CACNA1C: variants seen among roughly 807,000 people sequenced by gnomAD.
The protein encoded by CACNA1C is calcium voltage-gated channel subunit alpha1 C, also known as voltage-dependent L-type calcium channel subunit alpha-1C.
Under a neutral mutation model 229.0 loss-of-function variants are expected in CACNA1C, and 30 were observed. That is an observed-to-expected ratio of 0.13 (90% CI 0.10 to 0.18). CACNA1C has a LOEUF of 0.18. Among genes scored for constraint, CACNA1C ranks in the 10% least tolerant of loss-of-function variants. The pLI, the probability that CACNA1C is intolerant of heterozygous loss-of-function variation, is 1.00. For synonymous variants in CACNA1C, 1,114 were observed against 1,132.5 expected (o/e 0.98, Z 0.33); for missense variants, 1,658 against 2,845.0 (o/e 0.58, Z 9.49).
chr12:2,569,502 A>G (rs749593679), intron 13 of CACNA1C, among the ~76,000 whole-genome samples: 1 of 152,110 alleles, frequency 6.6e-6, no homozygotes, highest in Non-Finnish European at 1.5e-5. Flanking sequence ...TTATGTCTCT[A>G]TAGAGTTGCC....
rs943320546 is a variant in CACNA1C, at chr12:2,678,349, C to CA, written c.5091+482_5091+483insA. On this transcript the variant is annotated intron_variant, in intron 41 of 46. Coordinates refer to ENST00000399655, the MANE Select transcript of CACNA1C (RefSeq NM_000719.7). This position sits in a 1 kb window ranked among gnomAD's most constrained non-coding sequence, Gnocchi z 4.1. ...GGTGGCCCTTTGAGATGGAGCATAG[C>CA]GTGTGTTCTCCAGGTCTCCAAGACC... 3.1e-4 allele frequency among the ~76,000 whole-genome samples: 47 copies of CA among 152,106 alleles called. 1 individual carries two copies. Among genetic ancestry groups the CA allele is most frequent in the Non-Finnish European group, 1.2e-4 (8 of 68,022 alleles).
intron 3 of CACNA1C, among the ~76,000 whole-genome samples, chr12:2,235,600 A>T (rs181583437): frequency 3.8e-4 from 58 of 152,250 alleles, no homozygotes; most frequent in African/African-American, 1.4e-3. Flanking sequence ...CTCTACGTAG[A>T]CCATCTCTGG....
In CACNA1C at chr12:2,665,822, G is replaced by A; in HGVS notation, c.4526+114G>A. 9.5e-7 allele frequency: 1 copy of A among 1,049,864 alleles called. No individual in the cohort carries two copies. 65.0% of individuals were successfully genotyped at this position (1,049,864 alleles called of 1,614,324 possible). The stretch of plus-strand genomic sequence containing the variant: ...ACTGGGTGGATCAATTAGAAACACT[G>A]GATTGTATCACACCCTAGGGTGAAA... On this transcript the variant is annotated intron_variant, in intron 36 of 46. Transcript: ENST00000399655. This position sits in a 1 kb window ranked among gnomAD's most constrained non-coding sequence, Gnocchi z 5.9.
intron 13 of CACNA1C, among the ~76,000 whole-genome samples, chr12:2,569,448 A>T (rs1370036022): frequency 6.6e-6 from 1 of 152,158 alleles, no homozygotes; most frequent in Non-Finnish European, 1.5e-5. Flanking sequence ...CTCCATACCC[A>T]TTCCACATTT....
At chr12:2,112,043 T>C (rs983583391) in intron 1 of CACNA1C, among the ~76,000 whole-genome samples, 2 of 152,148 alleles carry the variant, frequency 1.3e-5, no homozygotes, top group Admixed American at 6.5e-5. Context: ...CGAGCACATG[T>C]GTGCGTGCAT....
intron 9 of CACNA1C, among the ~76,000 whole-genome samples, chr12:2,544,609 T>C (rs1459136421): frequency 6.6e-6 from 1 of 152,222 alleles, no homozygotes; most frequent in Non-Finnish European, 1.5e-5. Context: ...TCAACACATT[T>C]TTGCCAACAA....
intron 9 of CACNA1C, among the ~76,000 whole-genome samples, chr12:2,538,030 C>T (rs1305315533): frequency 6.6e-6 from 1 of 152,088 alleles, no homozygotes; most frequent in African/African-American, 2.4e-5. Flanking sequence ...TGATAGACTC[C>T]GTGGTGCCCT....
At chr12:2,193,543 C>T (rs2097307812) in intron 3 of CACNA1C, among the ~76,000 whole-genome samples, 1 of 152,238 alleles carries the variant, frequency 6.6e-6, no homozygotes, top group African/African-American at 2.4e-5. Flanking sequence ...ACCTTTCCTT[C>T]TGTTTAGAGG....
At chr12:2,264,437 T>C (rs1050419863) in intron 3 of CACNA1C, among the ~76,000 whole-genome samples, 3 of 152,210 alleles carry the variant, frequency 2.0e-5, no homozygotes, top group Non-Finnish European at 4.4e-5. Flanking sequence ...TTCAACTCCC[T>C]CCTCTTACAG....
intron 3 of CACNA1C, among the ~76,000 whole-genome samples, chr12:2,192,000 T>TCA (rs563360937): frequency 6.6e-6 from 1 of 150,440 alleles, no homozygotes; most frequent in Non-Finnish European, 1.5e-5. Flanking sequence ...ACACATGTAT[T>TCA]CACACACATA....
At chr12:2,310,519 C>T (rs962376339) in intron 3 of CACNA1C, among the ~76,000 whole-genome samples, 11 of 152,150 alleles carry the variant, frequency 7.2e-5, no homozygotes, top group African/African-American at 1.7e-4. Context: ...TTGGCATTGT[C>T]GACTCATTTG....
chr12:2,578,954 T>C (rs2059557873), intron 13 of CACNA1C, among the ~76,000 whole-genome samples: 1 of 152,130 alleles, frequency 6.6e-6, no homozygotes, highest in Non-Finnish European at 1.5e-5. Flanking sequence ...TTCTCCCCTC[T>C]TAGAGACTGG....
chr12:2,526,342 C>T (rs780831307), intron 9 of CACNA1C, among the ~76,000 whole-genome samples: 2 of 152,194 alleles, frequency 1.3e-5, no homozygotes, highest in African/African-American at 2.4e-5. Flanking sequence ...GGCCTTGTCA[C>T]ATCACACTGG....
chr12:2,390,900 C>G (rs2098469482), intron 3 of CACNA1C, among the ~76,000 whole-genome samples: 1 of 152,138 alleles, frequency 6.6e-6, no homozygotes, highest in African/African-American at 2.4e-5. Flanking sequence ...GTAGACACAT[C>G]TGGTGAAGGT....
chr12:2,554,044 A>C (rs542203991), intron 10 of CACNA1C, among the ~76,000 whole-genome samples: 156 of 152,318 alleles, frequency 1.0e-3, no homozygotes, highest in African/African-American at 3.6e-3. Context: ...GGGACAATTC[A>C]GGGAAATACT....
chr12:2,675,155 A>G (rs1010929621), intron 39 of CACNA1C, among the ~76,000 whole-genome samples: 4 of 152,170 alleles, frequency 2.6e-5, no homozygotes, highest in East Asian at 1.9e-4. Context: ...TGCCTTTACT[A>G]TGATCCTGAA....
intron 8 of CACNA1C, among the ~76,000 whole-genome samples, chr12:2,506,694 C>A (rs1278733655): frequency 6.6e-6 from 1 of 152,180 alleles, no homozygotes; most frequent in East Asian, 1.9e-4. Flanking sequence ...ACGTCACTTC[C>A]CTGGTAAGTA....
At chr12:2,513,446 A>G (rs1256766855) in intron 9 of CACNA1C, among the ~76,000 whole-genome samples, 1 of 152,210 alleles carries the variant, frequency 6.6e-6, no homozygotes, top group Non-Finnish European at 1.5e-5. Context: ...CTCATAGGAA[A>G]GGTAGTGAAA....
intron 9 of CACNA1C, among the ~76,000 whole-genome samples, 161 bp from the exon 10 acceptor site, chr12:2,549,782 C>T (rs2099893662): frequency 6.6e-6 from 1 of 152,308 alleles, no homozygotes; most frequent in South Asian, 2.1e-4. Flanking sequence ...CAGATGTGTC[C>T]ATCAAGGGGA....
Sources: allele counts gnomAD v4.1 joint callset (sites outside exome capture counted in the v4.1 genomes callset), GRCh38; gene constraint gnomAD v4.1.1; non-coding constraint Gnocchi (gnomAD v3.1); transcripts MANE v1.5; gene names NCBI Gene and HGNC (gene_info 2026-07-23, HGNC 2026-07-21).